MGAT5B: variants seen among roughly 807,000 people sequenced by gnomAD.
The protein encoded by MGAT5B is N-acetylglucosaminyl-transferase Vb.
A neutral mutation model predicts 95.1 loss-of-function variants in MGAT5B; 54 were observed. That is an observed-to-expected ratio of 0.57 (90% CI 0.46 to 0.71). MGAT5B has a LOEUF of 0.71. Ranked by LOEUF, MGAT5B falls within the 30% of genes least tolerant of loss-of-function variation. MGAT5B has a pLI of 0.00. For synonymous variants in MGAT5B, 464 were observed against 451.0 expected, an observed-to-expected ratio of 1.03 and a Z score of -0.36; for missense variants, 935 against 1,088.6, an observed-to-expected ratio of 0.86 and a Z score of 1.99.
chr17:76,891,696 C>T (rs1379821854), intron 3 of MGAT5B, among the ~76,000 whole-genome samples: 4 of 152,098 alleles, frequency 2.6e-5, no homozygotes, highest in Non-Finnish European at 5.9e-5. Flanking sequence ...GTTAGGATCG[C>T]AATATACAAA....
At chr17:76,939,340 TACAAACAA>T (rs779180362) in intron 13 of MGAT5B, among the ~76,000 whole-genome samples, 2 of 151,610 alleles carry the variant, frequency 1.3e-5, no homozygotes, top group Non-Finnish European at 2.9e-5. Context: ...TCTACTAAAA[TACAAACAA>T]ACAAACAAAC....
chr17:76,927,698 C>T (rs1018334383), intron 10 of MGAT5B, among the ~76,000 whole-genome samples: 6 of 152,220 alleles, frequency 3.9e-5, no homozygotes, highest in African/African-American at 1.4e-4. Context: ...CAGAGGTGTG[C>T]GGAGCTGCGT....
At chr17:76,896,994 C>T (rs1055305902) in intron 3 of MGAT5B, among the ~76,000 whole-genome samples, 5 of 152,096 alleles carry the variant, frequency 3.3e-5, no homozygotes, top group African/African-American at 1.2e-4. Context: ...TCATGGCTCA[C>T]TGCAGCCTGG....
rs148879728 is a variant in MGAT5B at position 76,870,820 on chromosome 17, GT to G, written c.68+1727del. Among the ~76,000 whole-genome samples the G allele has an allele frequency of 0.038, 5,712 of 152,030 alleles. 140 individuals are homozygous for G. Among genetic ancestry groups the G allele is most frequent in the East Asian group, 0.068 (352 of 5,152 alleles). ...GCAGGCTGGGGTCCTGTTCCCTGTG[GT>G]TTTCCCAGGGCTGCTGGCAGGGTCT... On this transcript the variant is annotated intron_variant, in intron 1 of 17. Transcript: ENST00000569840. This position sits in a 1 kb window ranked among gnomAD's most constrained non-coding sequence, Gnocchi z 5.0.
intron 8 of MGAT5B, chr17:76,913,903 G>C (rs1407192555): frequency 2.4e-6 from 1 of 414,732 alleles, no homozygotes; most frequent in Non-Finnish European, 4.9e-6. Context: ...TTGATTCCAG[G>C]AGTTGGAGAC....
chr17:76,949,035 C>G lies in MGAT5B; in HGVS notation c.*197C>G. On this transcript the variant is annotated 3_prime_UTR_variant, in exon 18 of 18. Transcript: ENST00000569840. ...GAGGCAGCATGCCGAGCCCCTGGGA[C>G]CTCCCAGGCAGGCTCCGGTTCTCTC... The G allele has an allele frequency of 1.5e-6, 1 of 663,644 alleles. No homozygotes were observed. Among genetic ancestry groups the G allele is most frequent in the Non-Finnish European group, 2.5e-6 (1 of 396,892 alleles). The allele number at this position is 663,644 out of a possible 1,614,324, so 41.1% of individuals were successfully genotyped here.
At chr17:76,908,120 ATTTC>A (rs966926499) in intron 8 of MGAT5B, among the ~76,000 whole-genome samples, 1 of 151,948 alleles carries the variant, frequency 6.6e-6, no homozygotes, top group Non-Finnish European at 1.5e-5. Flanking sequence ...TGCCTTTTTA[ATTTC>A]TTTATGGTTT....
At chr17:76,882,075 G>A (rs150028281) in intron 2 of MGAT5B, 76 bp from the exon 3 acceptor site, 2 of 1,498,442 alleles carry the variant, frequency 1.3e-6, no homozygotes, top group Non-Finnish European at 1.8e-6. Context: ...CTTTGTCTGA[G>A]CTGCCCCAGC....
At chr17:76,875,816 A>G (rs1343790680) in intron 2 of MGAT5B, among the ~76,000 whole-genome samples, 3 of 151,812 alleles carry the variant, frequency 2.0e-5, no homozygotes, top group Non-Finnish European at 4.4e-5. Context: ...CTTTTGGTAA[A>G]CATACGTAGG....
intron 3 of MGAT5B, among the ~76,000 whole-genome samples, chr17:76,891,797 T>G (rs1967880954): frequency 1.3e-5 from 2 of 152,170 alleles, no homozygotes; most frequent in African/African-American, 4.8e-5. Flanking sequence ...AAGGGTTGCC[T>G]CCTTTGACAG....
intron 8 of MGAT5B, among the ~76,000 whole-genome samples, chr17:76,913,177 G>A (rs1343147917): frequency 1.3e-5 from 2 of 152,192 alleles, no homozygotes; most frequent in African/African-American, 4.8e-5. Context: ...CCTGCCTGGG[G>A]CCAGGTGCCC....
intron 6 of MGAT5B, among the ~76,000 whole-genome samples, chr17:76,904,726 T>A (rs1453010757): frequency 6.6e-6 from 1 of 152,264 alleles, no homozygotes; most frequent in Admixed American, 6.5e-5. Flanking sequence ...TGTGTCCAGA[T>A]GCTTTATTTG....
In MGAT5B at chr17:76,938,243, G is replaced by T; in HGVS notation, c.1584+100G>T. 1 of 1,452,074 alleles carries T rather than the reference G, an allele frequency of 6.9e-7. No homozygotes were observed. The highest frequency in any genetic ancestry group is 1.3e-5 in the South Asian group (1 of 79,528). 89.9% of individuals were successfully genotyped at this position (1,452,074 alleles called of 1,614,324 possible). A position where few individuals can be genotyped will look rare whatever the true frequency, so the allele number is the denominator to read the frequency against. ...CACCACTCAGGCCCCTTCCACATAT[G>T]GACATACCCCAGCATGCTCTGCTGC... On this transcript the variant is annotated intron_variant, in intron 13 of 17. Coordinates refer to ENST00000569840, the MANE Select transcript of MGAT5B (RefSeq NM_001199172.2). The surrounding 1 kb of genome is among the most constrained non-coding windows in gnomAD (Gnocchi z 4.3).
At position 76,916,438 on chromosome 17, in the gene MGAT5B, G is replaced by A. The variant is rs562793914; in HGVS notation, c.1026-8528G>A. On this transcript the variant is annotated intron_variant, in intron 8 of 17. Transcript: ENST00000569840. The surrounding 1 kb of genome is among the most constrained non-coding windows in gnomAD (Gnocchi z 5.3). ...AGGGAAGACTCATGGAAATGACGTC[G>A]CTGGCCCTCATGAGAGATCCATGCA... is the stretch of plus-strand genomic sequence containing the variant. Among the ~76,000 whole-genome samples the A allele has an allele frequency of 2.5e-4, 38 of 152,310 alleles. No homozygotes were observed. The highest frequency in any genetic ancestry group is 1.2e-3 in the South Asian group (6 of 4,828).
At chr17:76,881,593 C>A (rs1217965841) in intron 2 of MGAT5B, among the ~76,000 whole-genome samples, 1 of 152,208 alleles carries the variant, frequency 6.6e-6, no homozygotes, top group African/African-American at 2.4e-5. Context: ...GATTCCCGGG[C>A]CCCGGGTCCT....
At chr17:76,899,229 C>G (rs985525278) in intron 3 of MGAT5B, among the ~76,000 whole-genome samples, 2 of 152,154 alleles carry the variant, frequency 1.3e-5, no homozygotes, top group Admixed American at 1.3e-4. Context: ...GTAGGACAGG[C>G]GCCCAGTTTT....
At chr17:76,901,402 T>TAAAA (rs57832999) in intron 3 of MGAT5B, among the ~76,000 whole-genome samples, 57 of 143,694 alleles carry the variant, frequency 4.0e-4, no homozygotes, top group East Asian at 3.8e-3. Flanking sequence ...ATTAATGTGT[T>TAAAA]AAAAAAAAAA....
intron 3 of MGAT5B, among the ~76,000 whole-genome samples, chr17:76,893,801 C>T (rs1407594177): frequency 6.6e-6 from 1 of 152,212 alleles, no homozygotes; most frequent in Non-Finnish European, 1.5e-5. Flanking sequence ...TCCCATCCCC[C>T]AGGATGTCAC....
rs1317512977 is a variant in MGAT5B, at chr17:76,932,533, C to G, written c.1292-112C>G. On this transcript the variant is annotated intron_variant, in intron 10 of 17. Coordinates refer to ENST00000569840, the MANE Select transcript of MGAT5B (RefSeq NM_001199172.2). Reference sequence around the variant, plus strand: ...TCCCCACCGCACCCTGTGCCCCGCCCCCTTTCCCACCCCTGCCAAAAGAGG... The same window carrying G: ...TCCCCACCGCACCCTGTGCCCCGCCGCCTTTCCCACCCCTGCCAAAAGAGG... 5 of 1,507,948 alleles carry G rather than the reference C, an allele frequency of 3.3e-6. No homozygotes were observed. The African/African-American group carries it at 5.6e-5, about 17-fold the overall frequency. 93.4% of individuals were successfully genotyped at this position (1,507,948 alleles called of 1,614,324 possible). A position where few individuals can be genotyped will look rare whatever the true frequency, so the allele number is the denominator to read the frequency against.
Sources: allele counts gnomAD v4.1 joint callset (sites outside exome capture counted in the v4.1 genomes callset), GRCh38; gene constraint gnomAD v4.1.1; non-coding constraint Gnocchi (gnomAD v3.1); transcripts MANE v1.5; gene names NCBI Gene and HGNC (gene_info 2026-07-23, HGNC 2026-07-21).